Variants in WASL observed in about 807,000 individuals in gnomAD.
WASL encodes WASP like actin nucleation promoting factor, also known as actin nucleation-promoting factor WASL.
Under a neutral mutation model 55.5 loss-of-function variants are expected in WASL, and 20 were observed. The ratio of observed to expected loss-of-function variants is 0.36; its 90% CI spans 0.25 to 0.52. The LOEUF (loss-of-function observed/expected upper bound fraction) is 0.52, where lower values mean the gene tolerates loss of function less well. Ranked by LOEUF, WASL falls within the 20% of genes least tolerant of loss-of-function variation. The pLI is 0.92. For missense variants in WASL, 504 were observed against 622.5 expected (o/e 0.81, Z 2.03); for synonymous variants, 249 against 217.6 (o/e 1.14, Z -1.27).
chr7:123,695,204 T>C (rs1325980785), intron 7 of WASL, among the ~76,000 whole-genome samples: 3 of 152,146 alleles, frequency 2.0e-5, no homozygotes, highest in African/African-American at 7.2e-5. Context: ...GTAAATTAAT[T>C]TGAAAATCTG....
At chr7:123,717,161 T>G (rs996846827) in intron 1 of WASL, among the ~76,000 whole-genome samples, 2 of 152,104 alleles carry the variant, frequency 1.3e-5, no homozygotes, top group Non-Finnish European at 2.9e-5. Context: ...TGGTAGTGGT[T>G]GTAGAAAGTA....
intron 1 of WASL, among the ~76,000 whole-genome samples, chr7:123,716,978 C>T (rs145875155): frequency 3.7e-4 from 56 of 152,310 alleles, no homozygotes; most frequent in Non-Finnish European, 6.2e-4. Flanking sequence ...ACATACACTA[C>T]ATAATCAGTG....
chr7:123,710,276 TAATATA>T (rs1163757626), intron 1 of WASL, among the ~76,000 whole-genome samples: 9 of 150,772 alleles, frequency 6.0e-5, no homozygotes, highest in African/African-American at 4.8e-5. Context: ...CTTCATATTT[TAATATA>T]AATATAAAAA....
chr7:123,723,821 C>T (rs1289267819), intron 1 of WASL, among the ~76,000 whole-genome samples: 1 of 152,158 alleles, frequency 6.6e-6, no homozygotes, highest in Non-Finnish European at 1.5e-5. Context: ...TCCATGGGAT[C>T]CTCTGGTAGC....
At position 123,692,919 on chromosome 7, in the gene WASL, T is replaced by C. The variant is rs186252269; in HGVS notation, c.827-52A>G. 4.2e-4 allele frequency: 554 copies of C among 1,330,608 alleles called. 1 individual carries two copies. In the African/African-American group the frequency reaches 7.7e-3, roughly 18 times the overall value. 82.4% of individuals were successfully genotyped at this position (1,330,608 alleles called of 1,614,324 possible). On this transcript the variant is annotated intron_variant, in intron 8 of 10. Coordinates refer to ENST00000223023, the MANE Select transcript of WASL (RefSeq NM_003941.4). ...GCATGCTTTTTTCTTCTCATAAACA[T>C]CATATTGAAAAGTAATTCATTTTAA...
chr7:123,734,204 C>T (rs1213002028), intron 1 of WASL, among the ~76,000 whole-genome samples: 1 of 152,098 alleles, frequency 6.6e-6, no homozygotes, highest in Non-Finnish European at 1.5e-5. Flanking sequence ...AGGCAAGCCA[C>T]AGACTCAGAT....
chr7:123,745,096 T>G (rs1015587868), intron 1 of WASL, among the ~76,000 whole-genome samples: 2 of 152,184 alleles, frequency 1.3e-5, no homozygotes, highest in Non-Finnish European at 2.9e-5. Flanking sequence ...TATGTTTCTG[T>G]GTACTTTTTC....
rs528095545 is a variant in WASL at position 123,701,421 on chromosome 7, T to C, written c.460+3213A>G. On this transcript the variant is annotated intron_variant, in intron 5 of 10. Transcript: ENST00000223023. ...AAAGAAGCCTCACCAAGGAAAACAG[T>C]TGAAAAACAGGTGGCCTAGAGGCCT... Among the ~76,000 whole-genome samples the C allele has an allele frequency of 2.2e-4, 34 of 152,156 alleles. No individual in the cohort carries two copies. In the East Asian group the frequency reaches 4.8e-3, roughly 22 times the overall value.
intron 1 of WASL, among the ~76,000 whole-genome samples, chr7:123,720,773 C>T (rs1362107929): frequency 6.6e-6 from 1 of 151,510 alleles, no homozygotes; most frequent in African/African-American, 2.4e-5. Flanking sequence ...GCCTCAGCCT[C>T]CTGGTAGCTG....
chr7:123,710,161 C>G (rs1361150607), intron 1 of WASL, among the ~76,000 whole-genome samples: 2 of 152,006 alleles, frequency 1.3e-5, no homozygotes, highest in African/African-American at 2.4e-5. Context: ...TACACACTTA[C>G]ACTGATAAAG....
rs922100382 is a variant in WASL at position 123,684,314 on chromosome 7, T to A, written c.*205A>T. 3 of 225,492 alleles carry A rather than the reference T, an allele frequency of 1.3e-5. No individual in the cohort carries two copies. The highest frequency in any genetic ancestry group is 1.7e-5 in the Non-Finnish European group (2 of 115,224). The allele number at this position is 225,492 out of a possible 1,614,324, so 14.0% of individuals were successfully genotyped here. A position where few individuals can be genotyped will look rare whatever the true frequency, so the allele number is the denominator to read the frequency against. On this transcript the variant is annotated 3_prime_UTR_variant, in exon 11 of 11. Transcript: ENST00000223023. ...CATCCTGGTGTAAACTTGCACACAA[T>A]AACAGGGAGTAGCTTTGTAGAGGAT...
At position 123,748,934 on chromosome 7, in the gene WASL, G is replaced by A. The variant is rs1481817911; in HGVS notation, c.-200C>T. 1 of 572,214 alleles carries A rather than the reference G, an allele frequency of 1.7e-6. No individual in the cohort carries two copies. Among genetic ancestry groups the A allele is most frequent in the East Asian group, 3.2e-5 (1 of 30,938 alleles). 35.4% of individuals were successfully genotyped at this position (572,214 alleles called of 1,614,324 possible). ...GCCACCTTCGCGCCGCGCTGAGAAAGGGAAGCTCCCGGCACCCGCCCGGCC... is the reference window on the plus strand; with the variant it reads ...GCCACCTTCGCGCCGCGCTGAGAAAAGGAAGCTCCCGGCACCCGCCCGGCC... On this transcript the variant is annotated 5_prime_UTR_variant, in exon 1 of 11. Coordinates refer to ENST00000223023, the MANE Select transcript of WASL (RefSeq NM_003941.4).
chr7:123,706,326 T>A lies in WASL; in HGVS notation c.387A>T (p.Lys129Asn), dbSNP rs1160030468. 3 of 1,613,444 alleles carry A rather than the reference T, an allele frequency of 1.9e-6. No individual in the cohort carries two copies. In the African/African-American group the frequency reaches 4.0e-5, roughly 22 times the overall value. ...LNFANEEEAK[K>N]FRKAVTDLLG... ...AAAGGTCTGTAACTGCTTTTCGAAA[T>A]TTTTTTGCTTCTTCTTCATTGGCAA... Residue 129 changes from lysine (K) to asparagine (N), a missense_variant, in exon 4 of 11, where the codon AAA becomes AAT. By Grantham distance (94) the Lys-to-Asn change is moderately conservative (BLOSUM62 0). Transcript: ENST00000223023.
intron 1 of WASL, among the ~76,000 whole-genome samples, chr7:123,742,706 G>C (rs541736895): frequency 2.6e-5 from 4 of 152,274 alleles, no homozygotes; most frequent in African/African-American, 9.6e-5. Context: ...AGTTAGCTAA[G>C]AGTTGGTAAT....
At chr7:123,696,827 T>C in intron 5 of WASL, 80 bp from the exon 6 acceptor site, 2 of 1,016,018 alleles carry the variant, frequency 2.0e-6, no homozygotes, top group East Asian at 6.4e-5. Context: ...ATTTAAATAC[T>C]TTTTCTGAAA....
At chr7:123,692,245 G>A (rs1414205319) in intron 9 of WASL, 102 bp downstream of exon 9, 5 of 1,416,392 alleles carry the variant, frequency 3.5e-6, no homozygotes, top group Non-Finnish European at 3.8e-6. Context: ...GAATTAGCAA[G>A]AGGAAAAAAG....
At chr7:123,714,023 A>C (rs936572963) in intron 1 of WASL, among the ~76,000 whole-genome samples, 2 of 152,212 alleles carry the variant, frequency 1.3e-5, no homozygotes, top group Admixed American at 6.5e-5. Flanking sequence ...ATGACTGTAA[A>C]ATTTTAATCT....
At chr7:123,731,591 A>G (rs1804137448) in intron 1 of WASL, among the ~76,000 whole-genome samples, 1 of 152,234 alleles carries the variant, frequency 6.6e-6, no homozygotes, top group African/African-American at 2.4e-5. Context: ...AAAAGAATAG[A>G]AATCACACAA....
intron 1 of WASL, among the ~76,000 whole-genome samples, chr7:123,731,728 T>G (rs769017122): frequency 7.2e-5 from 11 of 152,106 alleles, no homozygotes; most frequent in Non-Finnish European, 1.6e-4. Context: ...AATTTTAAAA[T>G]ATTCTAAACT....
Sources: gnomAD v4.1 joint callset for allele counts (sites outside exome capture counted in the v4.1 genomes callset) on GRCh38, gnomAD v4.1.1 for gene constraint, MANE v1.5 for transcripts, NCBI Gene and HGNC (gene_info 2026-07-23, HGNC 2026-07-21) for gene names.